The following RAB10 variants were observed in gnomAD, a reference collection of about 807,000 sequenced individuals.
RAB10 encodes ras-related protein Rab-10.
Under a neutral mutation model 25.7 loss-of-function variants are expected in RAB10, and 5 were observed. The observed-to-expected ratio is 0.19, with a 90% confidence interval of 0.10 to 0.41. The LOEUF is 0.41. Among genes scored for constraint, RAB10 ranks in the 10% least tolerant of loss-of-function variants. The pLI is 1.00. For synonymous variants in RAB10, 89 were observed against 86.4 expected, an observed-to-expected ratio of 1.03 and a Z score of -0.16; for missense variants, 103 against 245.8, an observed-to-expected ratio of 0.42 and a Z score of 3.89.
intron 1 of RAB10, among the ~76,000 whole-genome samples, chr2:26,078,769 A>AG (rs1433628286): frequency 6.6e-6 from 1 of 152,236 alleles, no homozygotes; most frequent in Non-Finnish European, 1.5e-5. Context: ...GAGTAAAAAA[A>AG]GAACATATTA....
At chr2:26,108,879 A>ATT (rs1212667172) in intron 2 of RAB10, among the ~76,000 whole-genome samples, 41 of 139,632 alleles carry the variant, frequency 2.9e-4, no homozygotes, top group Middle Eastern at 7.5e-3. Flanking sequence ...CTTTTGCTTT[A>ATT]TATTTATTTA....
intron 1 of RAB10, among the ~76,000 whole-genome samples, chr2:26,049,272 A>G (rs541681042): frequency 1.6e-4 from 24 of 148,362 alleles, no homozygotes; most frequent in Admixed American, 1.5e-3. Flanking sequence ...CCCCTCTCCT[A>G]ATTTCATATA....
At chr2:26,069,081 A>G (rs1666572421) in intron 1 of RAB10, among the ~76,000 whole-genome samples, 1 of 152,140 alleles carries the variant, frequency 6.6e-6, no homozygotes. Context: ...CTTAATGTCT[A>G]ATATAGCCTA....
chr2:26,044,956 T>C (rs1041501481), intron 1 of RAB10, among the ~76,000 whole-genome samples: 1 of 152,196 alleles, frequency 6.6e-6, no homozygotes, highest in Non-Finnish European at 1.5e-5. Context: ...TGCTCATCAA[T>C]TTCAATTTGA....
chr2:26,088,960 A>G (rs1052905174), intron 1 of RAB10, among the ~76,000 whole-genome samples: 2 of 151,630 alleles, frequency 1.3e-5, no homozygotes, highest in Admixed American at 6.6e-5. Context: ...ATGTGGGTAT[A>G]TAGGGTGGGG....
At chr2:26,110,391 T>C (rs1010661032) in intron 3 of RAB10, among the ~76,000 whole-genome samples, 8 of 151,948 alleles carry the variant, frequency 5.3e-5, no homozygotes, top group African/African-American at 1.7e-4. Flanking sequence ...TTTCTTAAGT[T>C]TTTGGACAGT....
intron 2 of RAB10, among the ~76,000 whole-genome samples, chr2:26,106,255 T>TG: frequency 6.6e-6 from 1 of 152,184 alleles, no homozygotes; most frequent in Non-Finnish European, 1.5e-5. Flanking sequence ...ATCCTAGTAT[T>TG]TATATGGGAA....
Position 26,113,212 on chromosome 2 carries a change from A to G in RAB10, c.327+3306A>G, listed in dbSNP as rs75089502. 3.9e-5 allele frequency among the ~76,000 whole-genome samples: 6 copies of G among 152,190 alleles called. No individual in the cohort carries two copies. In the East Asian group the frequency reaches 1.2e-3, roughly 29 times the overall value. Reference sequence around the variant, plus strand: ...ATGTAATACACCATATTAATAGACGACAAAACCATACAGTTATCTCAGTTC... The same window carrying G: ...ATGTAATACACCATATTAATAGACGGCAAAACCATACAGTTATCTCAGTTC... On this transcript the variant is annotated intron_variant, in intron 3 of 5. Coordinates refer to ENST00000264710, the MANE Select transcript of RAB10 (RefSeq NM_016131.5).
intron 3 of RAB10, among the ~76,000 whole-genome samples, chr2:26,116,546 G>GTTTTTTTTT (rs1559597446): frequency 1.2e-5 from 1 of 84,770 alleles, no homozygotes; most frequent in African/African-American, 4.3e-5. Flanking sequence ...TTTCTGTCTT[G>GTTTTTTTTT]TGTTTTTTTT....
intron 1 of RAB10, among the ~76,000 whole-genome samples, chr2:26,081,282 AATAG>A (rs1335387198): frequency 1.3e-5 from 2 of 152,238 alleles, no homozygotes; most frequent in Non-Finnish European, 2.9e-5. Flanking sequence ...AAAATGGAGT[AATAG>A]ATCTGTTCAT....
chr2:26,091,192 A>G (rs2149277541), intron 1 of RAB10, among the ~76,000 whole-genome samples: 1 of 152,326 alleles, frequency 6.6e-6, no homozygotes, highest in East Asian at 1.9e-4. Context: ...ACTCAATTAA[A>G]CAGATAAAAA....
intron 1 of RAB10, among the ~76,000 whole-genome samples, chr2:26,046,874 A>G (rs762941691): frequency 5.3e-5 from 8 of 152,316 alleles, no homozygotes; most frequent in African/African-American, 1.7e-4. Context: ...ATAATTAGCA[A>G]TGCTTCTGTA....
chr2:26,089,915 A>G (rs1433178939), intron 1 of RAB10, among the ~76,000 whole-genome samples: 1 of 152,082 alleles, frequency 6.6e-6, no homozygotes, highest in Non-Finnish European at 1.5e-5. Context: ...TGTAGTTTAC[A>G]GTTCGTTGTT....
At chr2:26,091,170 A>G (rs1667099218) in intron 1 of RAB10, among the ~76,000 whole-genome samples, 1 of 152,172 alleles carries the variant, frequency 6.6e-6, no homozygotes, top group East Asian at 1.9e-4. Flanking sequence ...TGTTCTAGGT[A>G]TGGGGAATTT....
chr2:26,064,850 C>T (rs2149268434), intron 1 of RAB10, among the ~76,000 whole-genome samples: 1 of 152,160 alleles, frequency 6.6e-6, no homozygotes, highest in South Asian at 2.1e-4. Context: ...AGTCGGAGAC[C>T]AGTGTAGTCA....
intron 3 of RAB10, among the ~76,000 whole-genome samples, chr2:26,117,292 A>G (rs548674945): frequency 1.3e-5 from 2 of 152,126 alleles, no homozygotes; most frequent in Non-Finnish European, 2.9e-5. Flanking sequence ...AGCGTAAACA[A>G]CATAAATGAT....
At chr2:26,053,210 A>C (rs1479480810) in intron 1 of RAB10, among the ~76,000 whole-genome samples, 1 of 152,104 alleles carries the variant, frequency 6.6e-6, no homozygotes, top group Admixed American at 6.6e-5. Flanking sequence ...GGTGAATGAT[A>C]TTTTGCTATT....
intron 1 of RAB10, among the ~76,000 whole-genome samples, chr2:26,048,994 G>A (rs925511106): frequency 6.6e-6 from 1 of 151,964 alleles, no homozygotes; most frequent in Non-Finnish European, 1.5e-5. Context: ...ACTTTGATGC[G>A]GTCCAATTTA....
At chr2:26,041,237 C>T (rs1665877046) in intron 1 of RAB10, among the ~76,000 whole-genome samples, 1 of 152,034 alleles carries the variant, frequency 6.6e-6, no homozygotes, top group Non-Finnish European at 1.5e-5. Context: ...AGATTGGGAT[C>T]AGACTTACCA....
Sources: allele counts gnomAD v4.1 joint callset (sites outside exome capture counted in the v4.1 genomes callset), GRCh38; gene constraint gnomAD v4.1.1; transcripts MANE v1.5; gene names NCBI Gene and HGNC (gene_info 2026-07-23, HGNC 2026-07-21).